ZNF143: variants seen among roughly 807,000 people sequenced by gnomAD.
ZNF143 encodes the protein SPH-binding factor.
A neutral mutation model predicts 74.1 loss-of-function variants in ZNF143; 49 were observed. The observed-to-expected ratio is 0.66, with a 90% CI of 0.53 to 0.84. The LOEUF (loss-of-function observed/expected upper bound fraction) is 0.84, where lower values mean the gene tolerates loss of function less well. ZNF143 is among the 40% of genes least tolerant of loss of function. The pLI is 0.00. For missense variants in ZNF143, 637 were observed against 793.4 expected (o/e 0.80, Z 2.37); for synonymous variants, 304 against 282.8 (o/e 1.07, Z -0.75).
At chr11:9,501,039 A>T in intron 10 of ZNF143, 52 bp from the exon 11 acceptor site, 1 of 1,583,048 alleles carries the variant, frequency 6.3e-7, no homozygotes, top group Non-Finnish European at 8.7e-7. Flanking sequence ...AAGACATTTT[A>T]ATCCTCTATA....
intron 11 of ZNF143, among the ~76,000 whole-genome samples, chr11:9,503,004 G>C (rs1253855625): frequency 6.6e-6 from 1 of 151,968 alleles, no homozygotes; most frequent in Non-Finnish European, 1.5e-5. Context: ...CTAATTTTTT[G>C]TATGTTTTAG....
chr11:9,472,959 T>C (rs952928523), intron 3 of ZNF143, among the ~76,000 whole-genome samples, 190 bp downstream of exon 3: 1 of 151,898 alleles, frequency 6.6e-6, no homozygotes, highest in Admixed American at 6.6e-5. Flanking sequence ...TTTGAGATAT[T>C]TGGAAGATAC....
chr11:9,505,924 C>T (rs1848348019), intron 11 of ZNF143, among the ~76,000 whole-genome samples: 1 of 150,138 alleles, frequency 6.7e-6, no homozygotes, highest in African/African-American at 2.4e-5. Context: ...CTTTTAAGTG[C>T]TTCTTATTAA....
chr11:9,474,462 G>A, intron 4 of ZNF143, 88 bp from the exon 5 acceptor site: 2 of 1,302,658 alleles, frequency 1.5e-6, no homozygotes, highest in South Asian at 1.2e-5. Flanking sequence ...GTTATAATGT[G>A]TTAATGGTTT....
At chr11:9,462,331 C>T (rs1855913584) in intron 1 of ZNF143, among the ~76,000 whole-genome samples, 1 of 151,462 alleles carries the variant, frequency 6.6e-6, no homozygotes, top group East Asian at 1.9e-4. Flanking sequence ...ATTCACATAC[C>T]TTACAGTTCA....
At chr11:9,482,128 G>A (rs1301725861) in intron 7 of ZNF143, among the ~76,000 whole-genome samples, 4 of 146,354 alleles carry the variant, frequency 2.7e-5, no homozygotes, top group African/African-American at 5.1e-5. Context: ...CCGCCACCAC[G>A]CCCGGCTAAT....
At chr11:9,494,429 C>T in intron 7 of ZNF143, among the ~76,000 whole-genome samples, 1 of 152,126 alleles carries the variant, frequency 6.6e-6, no homozygotes, top group South Asian at 2.1e-4. Context: ...ATCTCAGCTT[C>T]CCAAGTACCT....
intron 5 of ZNF143, among the ~76,000 whole-genome samples, chr11:9,478,103 G>A (rs1847087561): frequency 1.3e-5 from 2 of 152,346 alleles, no homozygotes; most frequent in South Asian, 4.1e-4. Flanking sequence ...TGGGATTATA[G>A]GCTTGAGCCA....
chr11:9,489,281 A>G (rs1565041960), intron 7 of ZNF143, among the ~76,000 whole-genome samples: 1 of 152,158 alleles, frequency 6.6e-6, no homozygotes. Context: ...AGCATGCCAA[A>G]TGCTAGTGAC....
chr11:9,511,825 C>T (rs551421871), intron 12 of ZNF143, among the ~76,000 whole-genome samples: 1 of 148,358 alleles, frequency 6.7e-6, no homozygotes, highest in Non-Finnish European at 1.5e-5. Flanking sequence ...GATCTCGGCT[C>T]ACTGCAACCT....
intron 7 of ZNF143, among the ~76,000 whole-genome samples, chr11:9,487,634 T>G (rs887664201): frequency 6.6e-6 from 1 of 152,164 alleles, no homozygotes; most frequent in Non-Finnish European, 1.5e-5. Context: ...TGGGAGCCAC[T>G]GTGTGAGCCA....
intron 10 of ZNF143, among the ~76,000 whole-genome samples, chr11:9,498,554 A>G (rs913310542): frequency 2.0e-5 from 3 of 152,104 alleles, no homozygotes; most frequent in African/African-American, 7.2e-5. Flanking sequence ...TTTAAATTTT[A>G]TCTTCTTTTC....
At chr11:9,492,681 A>T (rs978721127) in intron 7 of ZNF143, among the ~76,000 whole-genome samples, 1 of 152,190 alleles carries the variant, frequency 6.6e-6, no homozygotes, top group African/African-American at 2.4e-5. Flanking sequence ...AATTTCTTGT[A>T]ATTCTGTTCA....
intron 5 of ZNF143, 50 bp downstream of exon 5, chr11:9,474,683 T>A: frequency 6.5e-7 from 1 of 1,542,304 alleles, no homozygotes; most frequent in Non-Finnish European, 9.0e-7. Flanking sequence ...GTGGGAGTGG[T>A]GGGGGAAAGA....
chr11:9,482,310 G>A (rs1468815249), intron 7 of ZNF143, among the ~76,000 whole-genome samples: 5 of 140,042 alleles, frequency 3.6e-5, no homozygotes, highest in East Asian at 2.1e-4. Context: ...TCGCTCTGTC[G>A]CCCAGGCTGG....
chr11:9,517,758 C>T (rs1410793882), intron 14 of ZNF143, among the ~76,000 whole-genome samples: 1 of 152,104 alleles, frequency 6.6e-6, no homozygotes, highest in Non-Finnish European at 1.5e-5. Flanking sequence ...CTCATACACC[C>T]TGAAATGCAA....
At chr11:9,484,073 G>T (rs938816812) in intron 7 of ZNF143, among the ~76,000 whole-genome samples, 1 of 151,220 alleles carries the variant, frequency 6.6e-6, no homozygotes, top group Admixed American at 6.6e-5. Flanking sequence ...CACATATGTG[G>T]CTTGCACTTG....
intron 5 of ZNF143, among the ~76,000 whole-genome samples, chr11:9,475,908 A>ATGTGTGTGTG (rs1206618102): frequency 6.0e-5 from 7 of 117,630 alleles, no homozygotes; most frequent in African/African-American, 2.5e-4. Context: ...AAAAAAATAT[A>ATGTGTGTGTG]TATGTGTGTG....
intron 13 of ZNF143, among the ~76,000 whole-genome samples, chr11:9,513,828 G>A (rs1374508105): frequency 2.0e-5 from 3 of 152,192 alleles, no homozygotes; most frequent in African/African-American, 7.2e-5. Flanking sequence ...CCAGGAGGCG[G>A]GGTAAGACAA....
Sources: gnomAD v4.1 joint callset for allele counts (sites outside exome capture counted in the v4.1 genomes callset) on GRCh38, gnomAD v4.1.1 for gene constraint, MANE v1.5 for transcripts, NCBI Gene and HGNC (gene_info 2026-07-23, HGNC 2026-07-21) for gene names.